The following TRIM48 variants were observed in gnomAD, a reference collection of about 807,000 sequenced individuals.
The protein encoded by TRIM48 is E3 ubiquitin-protein ligase TRIM48.
In TRIM48, 31 loss-of-function variants were observed where a neutral mutation model predicts 29.5. That is an observed-to-expected ratio of 1.05 (90% confidence interval 0.79 to 1.42). TRIM48 has a LOEUF of 1.42. Ranked by LOEUF, TRIM48 falls within the 40% of genes most tolerant of loss-of-function variation. TRIM48 has a pLI of 0.00. For missense variants in TRIM48, 344 were observed against 265.0 expected, an observed-to-expected ratio of 1.30 and a Z score of -2.07; for synonymous variants, 128 against 90.6, an observed-to-expected ratio of 1.41 and a Z score of -2.34.
chr11:55,268,064 T>A (rs1478443675), intron 3 of TRIM48, among the ~76,000 whole-genome samples: 6 of 147,824 alleles, frequency 4.1e-5, no homozygotes, highest in Admixed American at 6.9e-5. Context: ...CTGGGAAAGA[T>A]GACCGAGTAG....
At chr11:55,267,566 A>G in intron 3 of TRIM48, 1 of 1,566,464 alleles carries the variant, frequency 6.4e-7, no homozygotes, top group South Asian at 1.2e-5. Context: ...GGCTCATAGG[A>G]GGGAGATTTT....
Position 55,269,273 on chromosome 11 carries a change from C to T in TRIM48, c.610C>T (p.Pro204Ser). The change falls in exon 5 of 6, where the codon CCT (proline) becomes TCT (serine). Residue 204 changes from proline to serine, a missense_variant. Pro to Ser is a moderately conservative substitution (Grantham distance 74). Transcript: ENST00000417545. The stretch of plus-strand genomic sequence containing the variant: ...GTCCGTGCTGCTGCACATGCCCCAG[C>T]CTCTGAATCTAGCGCTCAGGGCAGG... Reference protein sequence around the residue: ...SESVLLHMPQPLNLALRAGPI... With the variant: ...SESVLLHMPQSLNLALRAGPI... 4 of 1,576,318 alleles carry T rather than the reference C, an allele frequency of 2.5e-6. No homozygotes were observed. Among genetic ancestry groups the T allele is most frequent in the Non-Finnish European group, 3.4e-6 (4 of 1,166,042 alleles).
intron 4 of TRIM48, 56 bp from the exon 5 acceptor site, chr11:55,269,186 T>G: frequency 6.5e-7 from 1 of 1,544,432 alleles, no homozygotes. Flanking sequence ...ACACAAGTAG[T>G]GATTTTTATT....
intron 1 of TRIM48, among the ~76,000 whole-genome samples, chr11:55,264,644 A>T (rs1489884121): frequency 6.7e-6 from 1 of 148,230 alleles, no homozygotes; most frequent in Non-Finnish European, 1.5e-5. Context: ...AAAATGGGAA[A>T]TTGAATAGAT....
intron 1 of TRIM48, among the ~76,000 whole-genome samples, chr11:55,263,209 C>G (rs7114087): frequency 0.026 from 3,887 of 152,154 alleles, 73 homozygotes; most frequent in Non-Finnish European, 0.04. Flanking sequence ...TAAATAATTA[C>G]CACTGTGTTA....
chr11:55,265,929 T>A lies in TRIM48; in HGVS notation c.555+234T>A, dbSNP rs1376250371. Among the ~76,000 whole-genome samples the A allele has an allele frequency of 2.0e-5, 3 of 147,638 alleles. 1 individual carries two copies. Among genetic ancestry groups the A allele is most frequent in the Non-Finnish European group, 4.5e-5 (3 of 66,890 alleles). ...CCCAAAGCATGCTGATTTGTTTTCA[T>A]ACAAACCTGTAGCTATACACCAACA... On this transcript the variant is annotated intron_variant, in intron 3 of 5. Transcript: ENST00000417545.
Position 55,262,220 on chromosome 11 carries a change from G to T in TRIM48, c.-48G>T. 1 of 1,486,298 alleles carries T rather than the reference G, an allele frequency of 6.7e-7. No homozygotes were observed. The highest frequency in any genetic ancestry group is 1.2e-5 in the South Asian group (1 of 82,704). The allele number at this position is 1,486,298 out of a possible 1,614,324, so 92.1% of individuals were successfully genotyped here. A position where few individuals can be genotyped will look rare whatever the true frequency, so the allele number is the denominator to read the frequency against. ...GTGTTTTGGTGACCTCTGAAACTCA[G>T]TACTGCAGCGAATGAGCTCCTGACC... On this transcript the variant is annotated 5_prime_UTR_variant, in exon 1 of 6. Transcript: ENST00000417545.
chr11:55,267,172 T>TA lies in TRIM48; in HGVS notation c.556-1177dup. On this transcript the variant is annotated intron_variant, in intron 3 of 5. Coordinates refer to ENST00000417545, the MANE Select transcript of TRIM48 (RefSeq NM_024114.5). ...GAGAAATTCAAATTGTGTTTTTTTT[T>TA]ATTTCCAACTATCTTAGAACACTCC... is the stretch of plus-strand genomic sequence containing the variant. Among the ~76,000 whole-genome samples, 2 of 148,122 alleles carry TA rather than the reference T, an allele frequency of 1.4e-5. 1 individual carries two copies. The highest frequency in any genetic ancestry group is 1.4e-4 in the Admixed American group (2 of 14,626).
In TRIM48 at chr11:55,269,159, C is replaced by T. The variant is rs1857437663; in HGVS notation, c.579-83C>T. 43 of 1,488,906 alleles carry T rather than the reference C, an allele frequency of 2.9e-5. 5 individuals carry two copies. Among genetic ancestry groups the T allele is most frequent in the Non-Finnish European group, 3.8e-5 (42 of 1,111,196 alleles). 92.2% of individuals were successfully genotyped at this position (1,488,906 alleles called of 1,614,324 possible). ...CAAATTTGTGGGTTCAAAGGATTCTCATGAAATGTCTTTTAAACACAAGTA... is the reference window on the plus strand; with the variant it reads ...CAAATTTGTGGGTTCAAAGGATTCTTATGAAATGTCTTTTAAACACAAGTA... On this transcript the variant is annotated intron_variant, in intron 4 of 5. Transcript: ENST00000417545.
intron 1 of TRIM48, 65 bp downstream of exon 1, chr11:55,262,376 T>C (rs1857316172): frequency 8.7e-7 from 1 of 1,155,312 alleles, no homozygotes; most frequent in Non-Finnish European, 1.3e-6. Flanking sequence ...AATTAGAGTG[T>C]TAAAAATATC....
At position 55,265,717 on chromosome 11, in the gene TRIM48, C is replaced by T. The variant is rs762047701; in HGVS notation, c.555+22C>T. The T allele has an allele frequency of 3.8e-6, 6 of 1,569,246 alleles. No homozygotes were observed. In the Admixed American group the frequency reaches 5.2e-5, roughly 14 times the overall value. On this transcript the variant is annotated intron_variant, in intron 3 of 5. Coordinates refer to ENST00000417545, the MANE Select transcript of TRIM48 (RefSeq NM_024114.5). ...GAAGGTTAGTCCTGTAATACCCTAC[C>T]TTCTCCAGGAACTTATGGTGGGCAA... is the stretch of plus-strand genomic sequence containing the variant.
chr11:55,265,236 C>A lies in TRIM48; in HGVS notation c.381C>A (p.Leu127=). Residue 127 remains leucine (L), a synonymous_variant, in exon 2 of 6, where the codon CTC becomes CTA. Transcript: ENST00000417545. ...TCTGTGAAGTGGACAGGAGCCTGCT[C>A]TGTTTGCTGTGCTCCAGCTCTCAGG... is the stretch of plus-strand genomic sequence containing the variant. The part of the protein sequence containing the change: ...KMFCEVDRSL[L]CLLCSSSQEH... The A allele has an allele frequency of 6.3e-7, 1 of 1,582,722 alleles. No individual in the cohort carries two copies. Among genetic ancestry groups the A allele is most frequent in the Non-Finnish European group, 8.6e-7 (1 of 1,166,208 alleles).
At position 55,267,000 on chromosome 11, in the gene TRIM48, A is replaced by G. The variant is rs1857404180; in HGVS notation, c.555+1305A>G. On this transcript the variant is annotated intron_variant, in intron 3 of 5. Coordinates refer to ENST00000417545, the MANE Select transcript of TRIM48 (RefSeq NM_024114.5). ...TGCATTTAGCTGGACATGTTAGTCT[A>G]AGGTCATTTCATATATAATGAGTTT... Among the ~76,000 whole-genome samples the G allele has an allele frequency of 1.4e-5, 2 of 147,880 alleles. 1 individual carries two copies. The highest frequency in any genetic ancestry group is 3.0e-5 in the Non-Finnish European group (2 of 66,930).
At chr11:55,263,818 T>G (rs1857343901) in intron 1 of TRIM48, among the ~76,000 whole-genome samples, 1 of 152,212 alleles carries the variant, frequency 6.6e-6, no homozygotes, top group Non-Finnish European at 1.5e-5. Context: ...TTTAAGCTGA[T>G]GTAGTGAGGA....
rs1372124971 is a variant in TRIM48, at chr11:55,269,555, ATG to A, written c.*1+218_*1+219del. ...AAAAACAAATACATTATGGCCTCAT[ATG>A]TACTGAGTAATGTAATGGGAAAAAA... On this transcript the variant is annotated intron_variant, in intron 5 of 5. Transcript: ENST00000417545. 4.1e-5 allele frequency among the ~76,000 whole-genome samples: 6 copies of A among 148,126 alleles called. 1 individual carries two copies. The East Asian group carries it at 1.3e-3, about 32-fold the overall frequency.
rs965386333 is a variant in TRIM48 at position 55,270,654 on chromosome 11, T to A, written c.*219T>A. 4.4e-6 allele frequency: 7 copies of A among 1,579,060 alleles called. 2 individuals carry two copies. The Admixed American group carries it at 1.2e-4, about 27-fold the overall frequency. ...GGAATTGGGCTTTTGGTGTCTGTAA[T>A]AAGTATTGGAAAGGGAAGAATCAGA... On this transcript the variant is annotated 3_prime_UTR_variant, in exon 6 of 6. Transcript: ENST00000417545.
Position 55,262,287 on chromosome 11 carries a change from T to G in TRIM48, c.20T>G (p.Val7Gly). 1 of 1,548,856 alleles carries G rather than the reference T, an allele frequency of 6.5e-7. No homozygotes were observed. The change falls in exon 1 of 6, where the codon GTG becomes GGG. Residue 7 changes from valine to glycine, a missense_variant. Coordinates refer to ENST00000417545, the MANE Select transcript of TRIM48 (RefSeq NM_024114.5). ...AGAATTATGTCTCGAAGAATCATTG[T>G]GGGAACCCTTCAAAGAACCCAGCGG... MSRRII[V>G]GTLQRTQRNM...
At chr11:55,267,794 C>T (rs1389912935) in intron 3 of TRIM48, among the ~76,000 whole-genome samples, 6 of 147,678 alleles carry the variant, frequency 4.1e-5, no homozygotes, top group Non-Finnish European at 6.0e-5. Context: ...AGTATAGCCC[C>T]GCCAAGGGAT....
intron 5 of TRIM48, among the ~76,000 whole-genome samples, chr11:55,269,580 A>G (rs1350106039): frequency 6.8e-6 from 1 of 147,652 alleles, no homozygotes; most frequent in Non-Finnish European, 1.5e-5. Flanking sequence ...TAATGGGAAA[A>G]AAGGAGTAGT....
Sources: allele counts gnomAD v4.1 joint callset (sites outside exome capture counted in the v4.1 genomes callset), GRCh38; gene constraint gnomAD v4.1.1; transcripts MANE v1.5; gene names NCBI Gene and HGNC (gene_info 2026-07-23, HGNC 2026-07-21).